The following PLPP1 variants were observed in gnomAD, a reference collection of about 807,000 sequenced individuals.
PLPP1 encodes the protein phospholipid phosphatase 1.
In PLPP1, 24 loss-of-function variants were observed where a neutral mutation model predicts 31.2. That is an observed-to-expected ratio of 0.77 (90% CI 0.56 to 1.08). The LOEUF is 1.08. Among genes scored for constraint, PLPP1 ranks in the 50% least tolerant of loss-of-function variants. PLPP1 has a pLI of 0.00. For missense variants in PLPP1, 319 were observed against 342.7 expected, an observed-to-expected ratio of 0.93 and a Z score of 0.55; for synonymous variants, 146 against 126.3, an observed-to-expected ratio of 1.16 and a Z score of -1.05.
rs529307806 is a variant in PLPP1, at chr5:55,486,686, G to A, written c.59-11236C>T. Among the ~76,000 whole-genome samples the A allele has an allele frequency of 3.9e-5, 6 of 151,936 alleles. No individual in the cohort carries two copies. The South Asian group carries it at 6.2e-4, about 16-fold the overall frequency. On this transcript the variant is annotated intron_variant, in intron 1 of 5. Transcript: ENST00000307259. ...TCCCAACACTTTGGGAGGCCGAGGCGGGCAGATCACGAGGTCAGGAGTTTA... is the reference window on the plus strand; with the variant it reads ...TCCCAACACTTTGGGAGGCCGAGGCAGGCAGATCACGAGGTCAGGAGTTTA...
chr5:55,533,529 G>T (rs1432210775), intron 1 of PLPP1, among the ~76,000 whole-genome samples: 1 of 152,134 alleles, frequency 6.6e-6, no homozygotes, highest in Non-Finnish European at 1.5e-5. Context: ...GGAACTACTG[G>T]ATTAAAACCG....
At chr5:55,502,503 T>A (rs1029905997) in intron 1 of PLPP1, among the ~76,000 whole-genome samples, 20 of 149,478 alleles carry the variant, frequency 1.3e-4, no homozygotes, top group Non-Finnish European at 2.4e-4. Flanking sequence ...AAAAAAAAAA[T>A]GTCCAATACA....
chr5:55,432,191 C>T (rs1406807189), intron 4 of PLPP1, among the ~76,000 whole-genome samples: 1 of 151,474 alleles, frequency 6.6e-6, no homozygotes. Context: ...GGATCTCCCA[C>T]CTCGGCCTCT....
chr5:55,534,869 C>T lies in PLPP1; in HGVS notation c.-240G>A, dbSNP rs984790787. ...AACACTCGGTTAGTGCCGAGGCGCT[C>T]GTGTGCCAGCCGCGGCAGCTCTGTA... On this transcript the variant is annotated 5_prime_UTR_variant, in exon 1 of 6. Transcript: ENST00000307259. 2.0e-6 allele frequency: 1 copy of T among 498,194 alleles called. No individual in the cohort carries two copies. The allele number at this position is 498,194 out of a possible 1,614,324, so 30.9% of individuals were successfully genotyped here.
chr5:55,481,269 T>A (rs1041191497), intron 1 of PLPP1, among the ~76,000 whole-genome samples: 7 of 152,174 alleles, frequency 4.6e-5, no homozygotes, highest in Non-Finnish European at 1.0e-4. Flanking sequence ...AAAAACTCTT[T>A]TACATGTGAA....
At chr5:55,515,820 ACTT>A (rs1261533404) in intron 1 of PLPP1, among the ~76,000 whole-genome samples, 1 of 151,806 alleles carries the variant, frequency 6.6e-6, no homozygotes, top group African/African-American at 2.4e-5. Flanking sequence ...TCATTTTATA[ACTT>A]CTTCCTGAAA....
At position 55,475,599 on chromosome 5, in the gene PLPP1, T is replaced by C. The variant is rs997807465; in HGVS notation, c.59-149A>G. 26 of 681,546 alleles carry C rather than the reference T, an allele frequency of 3.8e-5. No individual in the cohort carries two copies. The South Asian group carries it at 5.7e-4, about 15-fold the overall frequency. 42.2% of individuals were successfully genotyped at this position (681,546 alleles called of 1,614,324 possible). Reference sequence around the variant, plus strand: ...GTAAAAAAGGAAATGCAGCAATGCATGCAACGGAAGTTAGAAAGATTACAG... The same window carrying C: ...GTAAAAAAGGAAATGCAGCAATGCACGCAACGGAAGTTAGAAAGATTACAG... On this transcript the variant is annotated intron_variant, in intron 1 of 5. Transcript: ENST00000307259.
chr5:55,532,201 A>T (rs1047354271), intron 1 of PLPP1, among the ~76,000 whole-genome samples: 1 of 152,172 alleles, frequency 6.6e-6, no homozygotes, highest in Non-Finnish European at 1.5e-5. Flanking sequence ...ATTGTACTGC[A>T]TGTCAGTTCC....
intron 1 of PLPP1, among the ~76,000 whole-genome samples, chr5:55,499,075 G>A (rs1753064098): frequency 6.6e-6 from 1 of 152,098 alleles, no homozygotes; most frequent in Non-Finnish European, 1.5e-5. Flanking sequence ...GAAAGTAGAG[G>A]GATAAGATTT....
intron 3 of PLPP1, among the ~76,000 whole-genome samples, chr5:55,457,218 C>A (rs948423284): frequency 2.9e-4 from 44 of 151,880 alleles, no homozygotes; most frequent in Middle Eastern, 6.8e-3. Context: ...TATAGCTCTT[C>A]AATTTCAGTT....
chr5:55,524,709 T>C (rs1206736830), intron 1 of PLPP1, among the ~76,000 whole-genome samples: 8 of 151,860 alleles, frequency 5.3e-5, no homozygotes, highest in African/African-American at 1.7e-4. Context: ...ACTCAGGAGG[T>C]TGAGGCAGGA....
At chr5:55,482,799 T>G (rs1477539048) in intron 1 of PLPP1, among the ~76,000 whole-genome samples, 18 of 152,196 alleles carry the variant, frequency 1.2e-4, no homozygotes, top group Admixed American at 1.2e-3. Context: ...AAAAATAAAC[T>G]TATTAACCCA....
chr5:55,475,455 C>T lies in PLPP1; in HGVS notation c.59-5G>A, dbSNP rs1752516357. 6.3e-7 allele frequency: 1 copy of T among 1,584,144 alleles called. No individual in the cohort carries two copies. The highest frequency in any genetic ancestry group is 1.4e-5 in the African/African-American group (1 of 73,480). On this transcript the variant is annotated splice_region_variant and splice_polypyrimidine_tract_variant and intron_variant, in intron 1 of 5. Transcript: ENST00000307259. ...GAATTGCAAAAGGCAATCCAGCTAG[C>T]AAAAGGGAATAAATGAAAATATCAT...
chr5:55,460,906 C>A (rs1752140546), intron 3 of PLPP1, among the ~76,000 whole-genome samples: 2 of 151,932 alleles, frequency 1.3e-5, no homozygotes, highest in African/African-American at 4.8e-5. Context: ...AAAAAATAGG[C>A]CAGGAGTGGT....
At chr5:55,496,506 T>C (rs1753005834) in intron 1 of PLPP1, among the ~76,000 whole-genome samples, 1 of 152,190 alleles carries the variant, frequency 6.6e-6, no homozygotes, top group South Asian at 2.1e-4. Flanking sequence ...TATGGGGCAA[T>C]ATTCCCATCC....
chr5:55,435,295 A>G (rs1238059629), intron 4 of PLPP1, among the ~76,000 whole-genome samples: 1 of 152,228 alleles, frequency 6.6e-6, no homozygotes, highest in East Asian at 1.9e-4. Context: ...CTCGGAATAT[A>G]AATTAGTCCA....
intron 1 of PLPP1, among the ~76,000 whole-genome samples, chr5:55,505,346 C>A: frequency 6.6e-6 from 1 of 151,832 alleles, no homozygotes; most frequent in South Asian, 2.1e-4. Context: ...GTAATCCCAA[C>A]ACTTTGGAAG....
rs1303516821 is a variant in PLPP1 at position 55,530,951 on chromosome 5, G to A, written c.58+3621C>T. Among the ~76,000 whole-genome samples, 4 of 152,188 alleles carry A rather than the reference G, an allele frequency of 2.6e-5. No individual in the cohort carries two copies. The East Asian group carries it at 5.8e-4, about 22-fold the overall frequency. ...TGACATGGTGACAGCGGCAGCGGCCGAGGTGACGGTGACGGCCCGGGGCTC... is the reference window on the plus strand; with the variant it reads ...TGACATGGTGACAGCGGCAGCGGCCAAGGTGACGGTGACGGCCCGGGGCTC... On this transcript the variant is annotated intron_variant, in intron 1 of 5. Transcript: ENST00000307259.
chr5:55,443,115 A>G (rs1436604463), intron 3 of PLPP1, among the ~76,000 whole-genome samples: 1 of 149,292 alleles, frequency 6.7e-6, no homozygotes, highest in African/African-American at 2.5e-5. Flanking sequence ...CCTCACACAC[A>G]TACTGGAAAG....
Sources: allele counts gnomAD v4.1 joint callset (sites outside exome capture counted in the v4.1 genomes callset), GRCh38; gene constraint gnomAD v4.1.1; transcripts MANE v1.5; gene names NCBI Gene and HGNC (gene_info 2026-07-23, HGNC 2026-07-21).